The following FNDC1 variants were observed in gnomAD, a reference collection of about 807,000 sequenced individuals.
FNDC1 encodes the protein fibronectin type III domain-containing protein 1.
Under a neutral mutation model 168.0 loss-of-function variants are expected in FNDC1, and 96 were observed. That is an observed-to-expected ratio of 0.57 (90% CI 0.48 to 0.68). The LOEUF is 0.68. Ranked by LOEUF, FNDC1 falls within the 30% of genes least tolerant of loss-of-function variation. The probability of loss-of-function intolerance (pLI) is 0.00; values close to 1 mark genes in which losing one functional copy is unlikely to be tolerated. For missense variants in FNDC1, 2,587 were observed against 2,482.1 expected (o/e 1.04, Z -0.90); for synonymous variants, 1,099 against 1,025.9 (o/e 1.07, Z -1.36).
At chr6:159,260,316 T>C (rs1478578530) in intron 18 of FNDC1, among the ~76,000 whole-genome samples, 3 of 152,242 alleles carry the variant, frequency 2.0e-5, no homozygotes, top group African/African-American at 7.2e-5. Context: ...ATTACTTCTC[T>C]AACCACCATT....
Position 159,249,044 on chromosome 6 carries a change from GA to G in FNDC1, c.4698del (p.Glu1566AspfsTer22). ...EAYVIYDEDY[E>X]FETSRPPTTT... ...GAGCCTTCATATCATTTCAGATTAT[GA>G]ATTTGAGACGTCAAGGCCACCAACC... On this transcript the variant is annotated frameshift_variant, in exon 16 of 23. Coordinates refer to ENST00000297267, the MANE Select transcript of FNDC1 (RefSeq NM_032532.3). LOFTEE classifies it high-confidence loss of function. The G allele has an allele frequency of 6.3e-7, 1 of 1,596,382 alleles. No individual in the cohort carries two copies. The highest frequency in any genetic ancestry group is 8.5e-7 in the Non-Finnish European group (1 of 1,171,276).
At chr6:159,260,738 G>A (rs1372692290) in intron 18 of FNDC1, among the ~76,000 whole-genome samples, 1 of 152,182 alleles carries the variant, frequency 6.6e-6, no homozygotes, top group Non-Finnish European at 1.5e-5. Context: ...ATATAATTAG[G>A]TTATAATTTG....
At chr6:159,236,060 A>G (rs918361594) in intron 11 of FNDC1, among the ~76,000 whole-genome samples, 155 bp from the exon 12 acceptor site, 1 of 152,250 alleles carries the variant, frequency 6.6e-6, no homozygotes, top group Non-Finnish European at 1.5e-5. Flanking sequence ...ATTTGAGACT[A>G]TCATTATCTA....
At chr6:159,199,815 G>T (rs1782333438) in intron 2 of FNDC1, among the ~76,000 whole-genome samples, 181 bp from the exon 3 acceptor site, 1 of 152,196 alleles carries the variant, frequency 6.6e-6, no homozygotes, top group Admixed American at 6.5e-5. Context: ...TGCATGAGAA[G>T]AATGTTAGTG....
rs781597773 is a variant in FNDC1, at chr6:159,233,428, A to G, written c.2916A>G (p.Thr972=). Residue 972 remains threonine (T), a synonymous_variant, in exon 11 of 23, where the codon ACA becomes ACG. Transcript: ENST00000297267. This position sits in a 1 kb window ranked among gnomAD's most constrained non-coding sequence, Gnocchi z 4.6. The stretch of plus-strand genomic sequence containing the variant: ...CTCCCAAAGCACAGCCAGGGTCCAC[A>G]GACCGCCACGCGTCCCCTGCTCGTC... ...GHSPKAQPGS[T]DRHASPARPP... is the part of the protein sequence containing the mutation. 3 of 1,611,406 alleles carry G rather than the reference A, an allele frequency of 1.9e-6. No homozygotes were observed. The highest frequency in any genetic ancestry group is 3.3e-5 in the Admixed American group (2 of 59,828).
At chr6:159,234,529 A>G (rs140115307) in intron 11 of FNDC1, 50 bp downstream of exon 11, 2 of 1,569,314 alleles carry the variant, frequency 1.3e-6, no homozygotes, top group East Asian at 2.2e-5. Context: ...AGTGGTGTTC[A>G]TGGCAATGCC....
At chr6:159,245,302 C>T (rs1330844556) in intron 14 of FNDC1, among the ~76,000 whole-genome samples, 1 of 152,074 alleles carries the variant, frequency 6.6e-6, no homozygotes, top group Admixed American at 6.5e-5. Context: ...GTATCTCAAG[C>T]GTTTGTTGTG....
rs747169588 is a variant in FNDC1, at chr6:159,200,623, AGCATCGTCTC to A, written c.460+46_460+55del. 61 of 1,479,244 alleles carry A rather than the reference AGCATCGTCTC, an allele frequency of 4.1e-5. No individual in the cohort carries two copies. In the South Asian group the frequency reaches 7.1e-4, roughly 17 times the overall value. The allele number at this position is 1,479,244 out of a possible 1,614,324, so 91.6% of individuals were successfully genotyped here. On this transcript the variant is annotated intron_variant, in intron 4 of 22. Coordinates refer to ENST00000297267, the MANE Select transcript of FNDC1 (RefSeq NM_032532.3). ...CATGTCAGATTCATGTTTTCACTGA[AGCATCGTCTC>A]GCAAGAGAGTTGTGCTTCCGTCACA...
intron 22 of FNDC1, among the ~76,000 whole-genome samples, chr6:159,269,242 T>TCTATC (rs1562315704): frequency 1.0e-5 from 1 of 96,554 alleles, no homozygotes; most frequent in East Asian, 5.2e-4. Flanking sequence ...TCTATCTATC[T>TCTATC]ATCTATCCAT....
chr6:159,216,806 C>T (rs1301308366), intron 5 of FNDC1, among the ~76,000 whole-genome samples: 1 of 152,246 alleles, frequency 6.6e-6, no homozygotes, highest in Admixed American at 6.5e-5. Flanking sequence ...TCAGCCCCCA[C>T]AAATGACTGT....
At chr6:159,211,411 A>G (rs1227211745) in intron 4 of FNDC1, among the ~76,000 whole-genome samples, 2 of 152,182 alleles carry the variant, frequency 1.3e-5, no homozygotes, top group Admixed American at 6.5e-5. Flanking sequence ...ACCAATGAAG[A>G]GAGGGATTTC....
At chr6:159,222,958 T>A (rs1782861336) in intron 6 of FNDC1, among the ~76,000 whole-genome samples, 2 of 151,872 alleles carry the variant, frequency 1.3e-5, no homozygotes, top group African/African-American at 2.4e-5. Context: ...TCGATTGGGT[T>A]GGGCAGCTTT....
intron 1 of FNDC1, among the ~76,000 whole-genome samples, chr6:159,172,873 A>G (rs1175008460): frequency 6.6e-6 from 1 of 152,248 alleles, no homozygotes; most frequent in Non-Finnish European, 1.5e-5. Flanking sequence ...AAAACGACAT[A>G]TTGCAATAGA....
chr6:159,203,282 C>T (rs1462922259), intron 4 of FNDC1, among the ~76,000 whole-genome samples: 1 of 152,068 alleles, frequency 6.6e-6, no homozygotes, highest in Non-Finnish European at 1.5e-5. Flanking sequence ...TAAAAATAAG[C>T]AGTACTGTAA....
chr6:159,232,624 G>A lies in FNDC1; in HGVS notation c.2112G>A (p.Gly704=), dbSNP rs775031097. The change falls in exon 11 of 23, where the codon GGG becomes GGA. Residue 704 remains glycine (G), a synonymous_variant. Coordinates refer to ENST00000297267, the MANE Select transcript of FNDC1 (RefSeq NM_032532.3). This position sits in a 1 kb window ranked among gnomAD's most constrained non-coding sequence, Gnocchi z 4.9. ...ASPARRTPHS[G]AAEEDSSASA... Reference sequence around the variant, plus strand: ...CGGCCCGGAGGACCCCCCATTCAGGGGCCGCAGAGGAAGATTCCAGTGCCT... The same window carrying A: ...CGGCCCGGAGGACCCCCCATTCAGGAGCCGCAGAGGAAGATTCCAGTGCCT... 1 of 1,610,580 alleles carries A rather than the reference G, an allele frequency of 6.2e-7. No individual in the cohort carries two copies. Among genetic ancestry groups the A allele is most frequent in the East Asian group, 2.2e-5 (1 of 44,760 alleles).
At chr6:159,225,479 T>G in intron 7 of FNDC1, 56 bp from the exon 8 acceptor site, 1 of 1,394,088 alleles carries the variant, frequency 7.2e-7, no homozygotes, top group East Asian at 2.4e-5. Flanking sequence ...CAGCGAGGCA[T>G]CTAGTGTTGA....
At chr6:159,188,377 T>C (rs923351309) in intron 1 of FNDC1, among the ~76,000 whole-genome samples, 3 of 52,264 alleles carry the variant, frequency 5.7e-5, no homozygotes, top group Admixed American at 1.5e-4. Flanking sequence ...TTCTTTTTTT[T>C]TTTTTTTTTT....
intron 1 of FNDC1, among the ~76,000 whole-genome samples, chr6:159,194,391 A>G (rs1288076102): frequency 6.6e-6 from 1 of 152,234 alleles, no homozygotes; most frequent in Admixed American, 6.5e-5. Context: ...AATGTATCCT[A>G]TATCATCTTC....
intron 1 of FNDC1, among the ~76,000 whole-genome samples, chr6:159,184,189 C>G (rs1204612377): frequency 6.6e-6 from 1 of 152,230 alleles, no homozygotes; most frequent in African/African-American, 2.4e-5. Flanking sequence ...TATGATAACA[C>G]AGCTCATTTT....
Sources: allele counts gnomAD v4.1 joint callset (sites outside exome capture counted in the v4.1 genomes callset), GRCh38; gene constraint gnomAD v4.1.1; non-coding constraint Gnocchi (gnomAD v3.1); transcripts MANE v1.5; gene names NCBI Gene and HGNC (gene_info 2026-07-23, HGNC 2026-07-21).